Variants in TSHR observed in about 807,000 individuals in gnomAD.
TSHR encodes thyrotropin receptor.
Under a neutral mutation model 64.1 loss-of-function variants are expected in TSHR, and 51 were observed. The ratio of observed to expected loss-of-function variants is 0.80; its 90% CI spans 0.64 to 1.01. The LOEUF (loss-of-function observed/expected upper bound fraction) is 1.01, where lower values mean the gene tolerates loss of function less well. TSHR is among the 50% of genes least tolerant of loss of function. TSHR has a pLI of 0.00. For missense variants in TSHR, 877 were observed against 942.8 expected (o/e 0.93, Z 0.91); for synonymous variants, 361 against 361.9 (o/e 1.00, Z 0.03).
chr14:81,061,562 A>G (rs1358575475), intron 1 of TSHR, among the ~76,000 whole-genome samples: 32 of 152,110 alleles, frequency 2.1e-4, no homozygotes, highest in Admixed American at 2.0e-3. Context: ...AAAATACCAC[A>G]TGTTCTCACT....
At chr14:81,077,340 G>A (rs768582966) in intron 3 of TSHR, among the ~76,000 whole-genome samples, 2 of 152,190 alleles carry the variant, frequency 1.3e-5, no homozygotes, top group East Asian at 1.9e-4. Context: ...ATAATGGATT[G>A]GAAGAGTAGG....
At chr14:81,084,093 T>G (rs1474733751) in intron 3 of TSHR, among the ~76,000 whole-genome samples, 1 of 152,168 alleles carries the variant, frequency 6.6e-6, no homozygotes, top group Non-Finnish European at 1.5e-5. Flanking sequence ...ACATGGAGAT[T>G]ACAACTGGGG....
At chr14:81,108,764 T>G (rs1890084073) in intron 8 of TSHR, 9 of 1,605,308 alleles carry the variant, frequency 5.6e-6, no homozygotes, top group Non-Finnish European at 5.9e-6. Context: ...AATTTTGAAA[T>G]GCAAGATCCA....
At chr14:81,065,778 C>T (rs1331365507) in intron 2 of TSHR, among the ~76,000 whole-genome samples, 1 of 152,102 alleles carries the variant, frequency 6.6e-6, no homozygotes, top group Non-Finnish European at 1.5e-5. Flanking sequence ...GGAATAAAAG[C>T]ACATACACAT....
At chr14:81,124,408 T>C (rs186487203) in intron 8 of TSHR, among the ~76,000 whole-genome samples, 298 of 152,286 alleles carry the variant, frequency 2.0e-3, no homozygotes, top group Non-Finnish European at 2.6e-3. Flanking sequence ...TTTTTAAGTG[T>C]ACAGGTTGAT....
At chr14:81,000,341 C>A (rs139964725) in intron 1 of TSHR, among the ~76,000 whole-genome samples, 25 of 152,272 alleles carry the variant, frequency 1.6e-4, no homozygotes, top group African/African-American at 6.0e-4. Flanking sequence ...ACATCTAGCA[C>A]GATGTTTAAC....
chr14:81,057,383 C>G (rs1885895364), intron 1 of TSHR, among the ~76,000 whole-genome samples: 1 of 151,982 alleles, frequency 6.6e-6, no homozygotes, highest in South Asian at 2.1e-4. Flanking sequence ...TGTGCTCCAG[C>G]CTGGGTGACA....
intron 1 of TSHR, among the ~76,000 whole-genome samples, chr14:80,978,446 C>T (rs1187658390): frequency 6.6e-6 from 1 of 152,208 alleles, no homozygotes; most frequent in African/African-American, 2.4e-5. Context: ...TGAAAGATAA[C>T]ATCTGTGAAA....
At chr14:80,969,006 T>G (rs567404739) in intron 1 of TSHR, among the ~76,000 whole-genome samples, 2 of 152,172 alleles carry the variant, frequency 1.3e-5, no homozygotes, top group African/African-American at 4.8e-5. Flanking sequence ...AAAATTTGAA[T>G]GTTAGGTTAC....
chr14:80,989,641 C>T (rs772516815), intron 1 of TSHR, among the ~76,000 whole-genome samples: 13 of 152,256 alleles, frequency 8.5e-5, no homozygotes, highest in East Asian at 5.8e-4. Flanking sequence ...CCTTATTCTT[C>T]CCAAAGCCTT....
intron 1 of TSHR, among the ~76,000 whole-genome samples, chr14:80,960,371 C>T (rs1442145916): frequency 1.3e-5 from 2 of 152,230 alleles, no homozygotes; most frequent in Non-Finnish European, 2.9e-5. Context: ...CCTGCTTCAA[C>T]ACCCACGTGC....
chr14:81,043,753 CA>C (rs1885034138), intron 1 of TSHR, among the ~76,000 whole-genome samples: 2 of 151,968 alleles, frequency 1.3e-5, no homozygotes. Context: ...ACCAATGGAA[CA>C]GAAAAAAAGA....
chr14:81,098,043 C>A (rs1889328827), intron 7 of TSHR, among the ~76,000 whole-genome samples: 1 of 152,174 alleles, frequency 6.6e-6, no homozygotes, highest in Non-Finnish European at 1.5e-5. Flanking sequence ...TAACTTCTTA[C>A]AATCTTTCAT....
chr14:81,013,990 G>A (rs1890053752), intron 1 of TSHR: 1 of 152,106 alleles, frequency 6.6e-6, no homozygotes, highest in African/African-American at 2.4e-5. Flanking sequence ...CCCTAATTTA[G>A]GATTAAGACA....
At chr14:81,024,120 A>G (rs1042494704) in intron 1 of TSHR, among the ~76,000 whole-genome samples, 1 of 152,238 alleles carries the variant, frequency 6.6e-6, no homozygotes, top group East Asian at 1.9e-4. Context: ...TTCTAAAACT[A>G]TCACACCATC....
In TSHR at chr14:81,146,101, A is replaced by C. The variant is rs1891918308; in HGVS notation, c.*1748A>C. 8.7e-6 allele frequency: 2 copies of C among 229,294 alleles called. No individual in the cohort carries two copies. The highest frequency in any genetic ancestry group is 1.2e-4 in the East Asian group (2 of 16,048). 14.2% of individuals were successfully genotyped at this position (229,294 alleles called of 1,614,324 possible). A position where few individuals can be genotyped will look rare whatever the true frequency, so the allele number is the denominator to read the frequency against. On this transcript the variant is annotated 3_prime_UTR_variant, in exon 10 of 10. Transcript: ENST00000298171. ...AAGTTCGCTTGTAACTAATGAAATTAAACAAATGTGTTGCCTTTTGTCATG... is the reference window on the plus strand; with the variant it reads ...AAGTTCGCTTGTAACTAATGAAATTCAACAAATGTGTTGCCTTTTGTCATG...
At chr14:81,123,806 T>G (rs1056961734) in intron 8 of TSHR, among the ~76,000 whole-genome samples, 4 of 152,198 alleles carry the variant, frequency 2.6e-5, no homozygotes, top group Admixed American at 1.3e-4. Context: ...ACTTATAAAT[T>G]TAGTTTGGAA....
intron 9 of TSHR, among the ~76,000 whole-genome samples, chr14:81,141,110 A>T (rs1891666947): frequency 6.6e-6 from 1 of 152,136 alleles, no homozygotes. Context: ...TGGGCAACAA[A>T]GCAAGATTCT....
intron 9 of TSHR, among the ~76,000 whole-genome samples, chr14:81,142,644 T>C (rs1430229500): frequency 2.0e-5 from 3 of 147,900 alleles, no homozygotes; most frequent in Non-Finnish European, 4.5e-5. Flanking sequence ...GGTCTCACTC[T>C]GTCATCCAGG....
Sources: allele counts gnomAD v4.1 joint callset (sites outside exome capture counted in the v4.1 genomes callset), GRCh38; gene constraint gnomAD v4.1.1; transcripts MANE v1.5; gene names NCBI Gene and HGNC (gene_info 2026-07-23, HGNC 2026-07-21).